NBDY: variants seen among roughly 807,000 people sequenced by gnomAD.
NBDY encodes the protein P-body dissociating protein.
intron 2 of NBDY, among the ~76,000 whole-genome samples, chrX:56,749,367 CTA>C (rs993264024): frequency 1.5e-4 from 17 of 110,654 alleles, no homozygotes; most frequent in African/African-American, 4.9e-4. Flanking sequence ...GAACTCCATT[CTA>C]TATATATATA....
At chrX:56,763,989 A>G (rs2069652622) in intron 2 of NBDY, among the ~76,000 whole-genome samples, 1 of 112,424 alleles carries the variant, frequency 8.9e-6, no homozygotes, top group Non-Finnish European at 1.9e-5. Context: ...AGTGCTGGGG[A>G]AACCCCACGA....
rs150801513 is a variant in NBDY at position 56,809,164 on chromosome X, T to C, written c.*167-8156T>C. Among the ~76,000 whole-genome samples the C allele has an allele frequency of 4.2e-3, 472 of 112,078 alleles. 5 individuals are homozygous for C. The highest frequency in any genetic ancestry group is 0.015 in the African/African-American group (458 of 30,805). ...TTCTTTTGCATTTGCTGAGGAGTGT[T>C]TTACTTCCAATTATTTGGTCAGTTT... On this transcript the variant is annotated intron_variant, in intron 2 of 2. Transcript: ENST00000374922.
chrX:56,794,089 G>C (rs947285943), intron 2 of NBDY, among the ~76,000 whole-genome samples: 1 of 112,305 alleles, frequency 8.9e-6, no homozygotes, highest in African/African-American at 3.2e-5. Flanking sequence ...TGGTCTGCAG[G>C]CTGCATGGCT....
At chrX:56,816,705 A>T (rs1309184319) in intron 2 of NBDY, among the ~76,000 whole-genome samples, 1 of 110,454 alleles carries the variant, frequency 9.1e-6, no homozygotes, top group Non-Finnish European at 1.9e-5. Context: ...TTATTATATT[A>T]TTATAAATAC....
chrX:56,818,608 A>G lies in NBDY; in HGVS notation c.*1455A>G, dbSNP rs1017262005. 8 of 111,822 alleles carry G rather than the reference A, an allele frequency of 7.2e-5. No individual in the cohort carries two copies. Among genetic ancestry groups the G allele is most frequent in the Non-Finnish European group, 1.3e-4 (7 of 53,143 alleles). 9.2% of individuals were successfully genotyped at this position (111,822 alleles called of 1,213,427 possible). ...GGCACAGTATTATAAAGATGACAACACTCTTCAAAATAATCAAACTATTCA... is the reference window on the plus strand; with the variant it reads ...GGCACAGTATTATAAAGATGACAACGCTCTTCAAAATAATCAAACTATTCA... On this transcript the variant is annotated 3_prime_UTR_variant, in exon 3 of 3. Coordinates refer to ENST00000374922, the MANE Select transcript of NBDY (RefSeq NM_001348129.2).
intron 2 of NBDY, among the ~76,000 whole-genome samples, chrX:56,746,221 G>A (rs1382558197): frequency 9.1e-6 from 1 of 110,460 alleles, no homozygotes; most frequent in Admixed American, 9.6e-5. Context: ...GCAGCTTCAT[G>A]TGCAGTCTCC....
chrX:56,812,529 A>T (rs1194454355), intron 2 of NBDY, among the ~76,000 whole-genome samples: 1 of 109,950 alleles, frequency 9.1e-6, no homozygotes, highest in Non-Finnish European at 1.9e-5. Flanking sequence ...AAGTGTGCTG[A>T]TGATATTCAG....
chrX:56,803,729 G>A (rs1415306548), intron 2 of NBDY, among the ~76,000 whole-genome samples: 1 of 112,225 alleles, frequency 8.9e-6, no homozygotes, highest in East Asian at 2.8e-4. Flanking sequence ...AACAACTGCC[G>A]CTGGATGGCA....
chrX:56,783,495 T>C (rs780255587), intron 2 of NBDY, among the ~76,000 whole-genome samples: 9 of 112,204 alleles, frequency 8.0e-5, no homozygotes, highest in East Asian at 5.6e-4. Context: ...GCAGCTCCAC[T>C]CTGTGGGCTG....
intron 2 of NBDY, among the ~76,000 whole-genome samples, chrX:56,793,086 T>C (rs1445500123): frequency 8.9e-6 from 1 of 111,927 alleles, no homozygotes; most frequent in Non-Finnish European, 1.9e-5. Context: ...AGTGAGTTGC[T>C]GAGTGTCCCC....
At chrX:56,740,416 G>A (rs958217517) in intron 2 of NBDY, among the ~76,000 whole-genome samples, 2 of 111,589 alleles carry the variant, frequency 1.8e-5, no homozygotes, top group Non-Finnish European at 3.8e-5. Context: ...AGTGTTTTAT[G>A]TGTGCCTGGA....
At chrX:56,790,064 G>A (rs982990128) in intron 2 of NBDY, among the ~76,000 whole-genome samples, 1 of 111,344 alleles carries the variant, frequency 9.0e-6, no homozygotes, top group African/African-American at 3.3e-5. Flanking sequence ...AAATGAATGA[G>A]ACAGTCGAGG....
chrX:56,808,366 G>T (rs778718306), intron 2 of NBDY, among the ~76,000 whole-genome samples: 1 of 111,696 alleles, frequency 9.0e-6, no homozygotes, highest in Non-Finnish European at 1.9e-5. Flanking sequence ...GGTAGAATTC[G>T]TCTGTGAATC....
At chrX:56,753,699 AAAC>A (rs2146719726) in intron 2 of NBDY, among the ~76,000 whole-genome samples, 1 of 111,917 alleles carries the variant, frequency 8.9e-6, no homozygotes, top group African/African-American at 3.2e-5. Context: ...CTAAGGGAAG[AAAC>A]TATCTCAAGA....
chrX:56,737,025 T>TAGTTAAACA (rs1488869680), intron 2 of NBDY, among the ~76,000 whole-genome samples: 1 of 111,842 alleles, frequency 8.9e-6, no homozygotes, highest in African/African-American at 3.3e-5. Flanking sequence ...CTCCAGGAAG[T>TAGTTAAACA]AGTTAAACAC....
At chrX:56,737,672 C>T (rs1051344949) in intron 2 of NBDY, 1 of 264,558 alleles carries the variant, frequency 3.8e-6, no homozygotes, top group East Asian at 6.5e-5. Flanking sequence ...CAATATAAAA[C>T]ATTTTCTTTC....
chrX:56,729,642 A>T, intron 1 of NBDY, 53 bp downstream of exon 1: 1 of 295,304 alleles, frequency 3.4e-6, no homozygotes, highest in Non-Finnish European at 5.9e-6. Flanking sequence ...TTATTTATGC[A>T]TTCTCACAAA....
chrX:56,807,721 A>G (rs2069860033), intron 2 of NBDY, among the ~76,000 whole-genome samples: 1 of 112,033 alleles, frequency 8.9e-6, no homozygotes, highest in Admixed American at 9.5e-5. Flanking sequence ...TTGGGCTGAG[A>G]CGATGGGGTT....
chrX:56,730,372 G>A (rs771148325), intron 1 of NBDY, among the ~76,000 whole-genome samples: 2 of 106,912 alleles, frequency 1.9e-5, no homozygotes, highest in African/African-American at 6.8e-5. Flanking sequence ...TTAGCCAGGC[G>A]TGATGGTGGA....
Sources: allele counts gnomAD v4.1 joint callset (sites outside exome capture counted in the v4.1 genomes callset), GRCh38; gene constraint gnomAD v4.1.1; transcripts MANE v1.5; gene names NCBI Gene and HGNC (gene_info 2026-07-23, HGNC 2026-07-21).